The following STAG1 variants were observed in gnomAD, a reference collection of about 807,000 sequenced individuals.
STAG1 encodes cohesin subunit SA-1.
STAG1 carries 26 observed loss-of-function variants against 170.9 expected under a neutral mutation model. That is an observed-to-expected ratio of 0.15 (90% CI 0.11 to 0.21). The LOEUF (loss-of-function observed/expected upper bound fraction) is 0.21, where lower values mean the gene tolerates loss of function less well. Ranked by LOEUF, STAG1 falls within the 10% of genes least tolerant of loss-of-function variation. The pLI, the probability that STAG1 is intolerant of heterozygous loss-of-function variation, is 1.00. For synonymous variants in STAG1, 514 were observed against 497.7 expected (o/e 1.03, Z -0.44); for missense variants, 964 against 1,509.5 (o/e 0.64, Z 5.99).
intron 9 of STAG1, among the ~76,000 whole-genome samples, chr3:136,493,670 A>C (rs530221520): frequency 6.6e-6 from 1 of 151,388 alleles, no homozygotes; most frequent in Non-Finnish European, 1.5e-5. Flanking sequence ...AAAAAAAAAA[A>C]AAAACAACAC....
At chr3:136,661,141 G>A (rs1941565373) in intron 1 of STAG1, among the ~76,000 whole-genome samples, 1 of 152,132 alleles carries the variant, frequency 6.6e-6, no homozygotes, top group Admixed American at 6.6e-5. Context: ...AAATATCTTA[G>A]AATAACTCTA....
intron 24 of STAG1, 33 bp from the exon 25 acceptor site, chr3:136,367,115 T>C (rs761637534): frequency 5.2e-6 from 8 of 1,551,546 alleles, no homozygotes; most frequent in East Asian, 2.3e-5. Context: ...TTATGAATTC[T>C]GGTACTTTAT....
chr3:136,374,747 TA>T (rs1937518015), intron 23 of STAG1, among the ~76,000 whole-genome samples: 1 of 152,144 alleles, frequency 6.6e-6, no homozygotes, highest in Admixed American at 6.5e-5. Context: ...ATGATAAGGT[TA>T]ATTTATTATT....
intron 22 of STAG1, among the ~76,000 whole-genome samples, chr3:136,392,428 G>T (rs1006170917): frequency 6.6e-6 from 1 of 152,056 alleles, no homozygotes; most frequent in African/African-American, 2.4e-5. Flanking sequence ...AAAGTACATT[G>T]TAATCTCAAT....
At chr3:136,607,824 T>G (rs1290282589) in intron 3 of STAG1, among the ~76,000 whole-genome samples, 1 of 152,270 alleles carries the variant, frequency 6.6e-6, no homozygotes, top group Admixed American at 6.5e-5. Flanking sequence ...TTTTCATTTC[T>G]TTTTTAGCAC....
intron 26 of STAG1, among the ~76,000 whole-genome samples, chr3:136,360,196 C>T (rs1251249489): frequency 6.6e-6 from 1 of 152,148 alleles, no homozygotes; most frequent in African/African-American, 2.4e-5. Flanking sequence ...AGACATCTAC[C>T]TTTCCTCCTG....
chr3:136,596,545 C>CG (rs1938437206), intron 4 of STAG1, among the ~76,000 whole-genome samples: 1 of 151,984 alleles, frequency 6.6e-6, no homozygotes, highest in Non-Finnish European at 1.5e-5. Flanking sequence ...CTGAGGTATA[C>CG]CTATATATCA....
At chr3:136,419,623 GTT>G (rs11320131) in intron 20 of STAG1, among the ~76,000 whole-genome samples, 1,702 of 136,432 alleles carry the variant, frequency 0.012, 17 homozygotes, top group African/African-American at 0.04. Flanking sequence ...TTTTGTGTGT[GTT>G]TTTTTTTTTT....
chr3:136,469,773 G>T (rs1236984802), intron 12 of STAG1, among the ~76,000 whole-genome samples: 1 of 151,978 alleles, frequency 6.6e-6, no homozygotes, highest in Non-Finnish European at 1.5e-5. Flanking sequence ...CATGGTACTG[G>T]TACCAAAACA....
At chr3:136,503,695 T>C (rs186553033) in intron 7 of STAG1, among the ~76,000 whole-genome samples, 2 of 152,304 alleles carry the variant, frequency 1.3e-5, no homozygotes, top group Admixed American at 1.3e-4. Context: ...AACATATCCA[T>C]ATAATTAAAA....
intron 21 of STAG1, among the ~76,000 whole-genome samples, chr3:136,413,682 T>A (rs1339339243): frequency 6.6e-6 from 1 of 152,168 alleles, no homozygotes; most frequent in African/African-American, 2.4e-5. Flanking sequence ...GGTCTCGAAC[T>A]TCTGGTCTTA....
rs144110117 is a variant in STAG1 at position 136,674,540 on chromosome 3, G to A, written c.-83-43559C>T. 3.3e-5 allele frequency among the ~76,000 whole-genome samples: 5 copies of A among 152,296 alleles called. No homozygotes were observed. The East Asian group carries it at 7.7e-4, about 24-fold the overall frequency. ...AGAAGGGACACAAGGGAACTTTCTG[G>A]AGTGCTAGAAACGTTTTCATCTTGA... On this transcript the variant is annotated intron_variant, in intron 1 of 33. Coordinates refer to ENST00000383202, the MANE Select transcript of STAG1 (RefSeq NM_005862.3).
At chr3:136,514,096 A>G (rs1934221027) in intron 7 of STAG1, among the ~76,000 whole-genome samples, 1 of 152,202 alleles carries the variant, frequency 6.6e-6, no homozygotes, top group Non-Finnish European at 1.5e-5. Context: ...CTTTTTCTGA[A>G]TTCTCTGTAA....
chr3:136,447,908 C>T (rs1024509795), intron 14 of STAG1, among the ~76,000 whole-genome samples: 3 of 152,162 alleles, frequency 2.0e-5, no homozygotes, highest in Non-Finnish European at 4.4e-5. Flanking sequence ...TGAGCCACCG[C>T]GCCTGGCTGC....
chr3:136,602,136 T>C (rs1418961855), intron 4 of STAG1, among the ~76,000 whole-genome samples: 1 of 151,976 alleles, frequency 6.6e-6, no homozygotes, highest in Non-Finnish European at 1.5e-5. Flanking sequence ...ATCCCAGCAC[T>C]TTGGGAGGCC....
rs562894684 is a variant in STAG1 at position 136,453,313 on chromosome 3, C to T, written c.1314-1166G>A. Among the ~76,000 whole-genome samples, 31 of 152,098 alleles carry T rather than the reference C, an allele frequency of 2.0e-4. 2 individuals carry two copies. The South Asian group carries it at 4.8e-3, about 23-fold the overall frequency. ...AAAACTTAAAAACTGCTAAGTTGGCCGGGCACGGTGGCTCACGCCTATAAT... is the reference window on the plus strand; with the variant it reads ...AAAACTTAAAAACTGCTAAGTTGGCTGGGCACGGTGGCTCACGCCTATAAT... On this transcript the variant is annotated intron_variant, in intron 13 of 33. Coordinates refer to ENST00000383202, the MANE Select transcript of STAG1 (RefSeq NM_005862.3).
In STAG1 at chr3:136,722,655, C is replaced by T. The variant is rs73230052; in HGVS notation, c.-84+29540G>A. Among the ~76,000 whole-genome samples, 17 of 145,550 alleles carry T rather than the reference C, an allele frequency of 1.2e-4. No individual in the cohort carries two copies. The South Asian group carries it at 3.1e-3, about 27-fold the overall frequency. ...CTCCCTCTCCCCCTCCCTCTCCCCT[C>T]TCCCTTCTCCCCTCTCCCTCTCCCC... On this transcript the variant is annotated intron_variant, in intron 1 of 33. Coordinates refer to ENST00000383202, the MANE Select transcript of STAG1 (RefSeq NM_005862.3).
Position 136,523,038 on chromosome 3 carries a change from T to C in STAG1, c.472-1621A>G, listed in dbSNP as rs569271914. Among the ~76,000 whole-genome samples, 9 of 152,322 alleles carry C rather than the reference T, an allele frequency of 5.9e-5. No individual in the cohort carries two copies. The South Asian group carries it at 1.0e-3, about 18-fold the overall frequency. ...GTGCCGCAATAAACATACGTGTGCA[T>C]AGGTCTTTATAGCAGCATGATTTAT... is the stretch of plus-strand genomic sequence containing the variant. On this transcript the variant is annotated intron_variant, in intron 6 of 33. Transcript: ENST00000383202.
intron 28 of STAG1, among the ~76,000 whole-genome samples, chr3:136,352,807 G>A (rs547131561): frequency 2.8e-4 from 42 of 152,186 alleles, no homozygotes; most frequent in African/African-American, 7.0e-4. Flanking sequence ...AGTATTCTGC[G>A]TGTTAAAGGT....
Sources: allele counts gnomAD v4.1 joint callset (sites outside exome capture counted in the v4.1 genomes callset), GRCh38; gene constraint gnomAD v4.1.1; transcripts MANE v1.5; gene names NCBI Gene and HGNC (gene_info 2026-07-23, HGNC 2026-07-21).